The following CTDSP2 variants were observed in gnomAD, a reference collection of about 807,000 sequenced individuals.
CTDSP2 encodes the protein CTD small phosphatase 2, also known as carboxy-terminal domain RNA polymerase II polypeptide A small phosphatase 2.
CTDSP2 carries 9 observed loss-of-function variants against 31.6 expected under a neutral mutation model. The ratio of observed to expected loss-of-function variants is 0.28; its 90% CI spans 0.17 to 0.50. The LOEUF (loss-of-function observed/expected upper bound fraction) is 0.50, where lower values mean the gene tolerates loss of function less well. Ranked by LOEUF, CTDSP2 falls within the 20% of genes least tolerant of loss-of-function variation. CTDSP2 has a pLI of 0.98. For missense variants in CTDSP2, 267 were observed against 348.5 expected (o/e 0.77, Z 1.86); for synonymous variants, 134 against 134.5 (o/e 1.00, Z 0.03).
At chr12:57,832,790 T>TAAAAAAAAAAAAA (rs61390174) in intron 1 of CTDSP2, among the ~76,000 whole-genome samples, 5 of 44,898 alleles carry the variant, frequency 1.1e-4, no homozygotes, top group Non-Finnish European at 1.9e-4. Context: ...AGACTCTGGC[T>TAAAAAAAAAAAAA]AAAAAAAAAA....
In CTDSP2 at chr12:57,846,385, CA is replaced by C; in HGVS notation, c.50del (p.Val17GlyfsTer78). On this transcript the variant is annotated frameshift_variant, in exon 1 of 8. Coordinates refer to ENST00000398073, the MANE Select transcript of CTDSP2 (RefSeq NM_005730.4). LOFTEE classifies it high-confidence loss of function. ...ITQARREDAL[V>X]LTKQGLVSKS... is the part of the protein sequence containing the mutation. ...TGCTGCCCCTACCTTGCTTGGTGAGCACCAGGGCGTCTTCCCTCCGCGCCTG... is the reference window on the plus strand; with the variant it reads ...TGCTGCCCCTACCTTGCTTGGTGAGCCCAGGGCGTCTTCCCTCCGCGCCTG... 1.9e-6 allele frequency: 3 copies of C among 1,608,606 alleles called. No individual in the cohort carries two copies. Among genetic ancestry groups the C allele is most frequent in the Non-Finnish European group, 2.5e-6 (3 of 1,177,748 alleles).
At chr12:57,834,218 C>T (rs919459697) in intron 1 of CTDSP2, among the ~76,000 whole-genome samples, 1 of 151,978 alleles carries the variant, frequency 6.6e-6, no homozygotes, top group African/African-American at 2.4e-5. Context: ...AGCTGAAGTG[C>T]AGTGGTACAA....
At chr12:57,830,905 C>T (rs576499214) in intron 1 of CTDSP2, among the ~76,000 whole-genome samples, 21 of 151,838 alleles carry the variant, frequency 1.4e-4, no homozygotes, top group African/African-American at 3.1e-4. Context: ...TGCGCCACCA[C>T]GCCCAGCTAA....
intron 1 of CTDSP2, among the ~76,000 whole-genome samples, chr12:57,831,545 T>G (rs1956215943): frequency 6.6e-6 from 1 of 152,242 alleles, no homozygotes; most frequent in South Asian, 2.1e-4. Context: ...CAATGGTCAC[T>G]GTGGCCAGGA....
At chr12:57,833,101 T>C (rs1801775602) in intron 1 of CTDSP2, among the ~76,000 whole-genome samples, 1 of 152,230 alleles carries the variant, frequency 6.6e-6, no homozygotes. Flanking sequence ...AGCCTGGGCT[T>C]TTCCTGAAGA....
rs1252807484 is a variant in CTDSP2 at position 57,846,370 on chromosome 12, A to G, written c.64+2T>C. ...AAAGTTTTGGGAAGTTGCTGCCCCT[A>G]CCTTGCTTGGTGAGCACCAGGGCGT... is the stretch of plus-strand genomic sequence containing the variant. On this transcript the variant is annotated splice_donor_variant, in intron 1 of 7. Coordinates refer to ENST00000398073, the MANE Select transcript of CTDSP2 (RefSeq NM_005730.4). LOFTEE classifies it high-confidence loss of function. 6.2e-7 allele frequency: 1 copy of G among 1,606,082 alleles called. No individual in the cohort carries two copies. The highest frequency in any genetic ancestry group is 8.5e-7 in the Non-Finnish European group (1 of 1,176,666).
chr12:57,828,455 G>A (rs1209671550), intron 2 of CTDSP2, among the ~76,000 whole-genome samples: 2 of 151,704 alleles, frequency 1.3e-5, no homozygotes, highest in East Asian at 1.9e-4. Context: ...GGTTTTAAGT[G>A]TTCTTAATGA....
chr12:57,839,039 C>G (rs1956265051), intron 1 of CTDSP2, among the ~76,000 whole-genome samples: 1 of 152,180 alleles, frequency 6.6e-6, no homozygotes, highest in Non-Finnish European at 1.5e-5. Flanking sequence ...GAATCAGTCG[C>G]ACACACACAT....
In CTDSP2 at chr12:57,829,361, G is replaced by A. The variant is rs565013121; in HGVS notation, c.213+87C>T. 4 of 1,493,444 alleles carry A rather than the reference G, an allele frequency of 2.7e-6. No homozygotes were observed. The South Asian group carries it at 4.8e-5, about 18-fold the overall frequency. The allele number at this position is 1,493,444 out of a possible 1,614,324, so 92.5% of individuals were successfully genotyped here. ...AGAAATCTTTGCAACTTCAGGCAAA[G>A]CTTCCTTGTCCGGTTGCCATCGTCT... On this transcript the variant is annotated intron_variant, in intron 2 of 7. Coordinates refer to ENST00000398073, the MANE Select transcript of CTDSP2 (RefSeq NM_005730.4).
At chr12:57,838,452 A>G (rs1328763780) in intron 1 of CTDSP2, among the ~76,000 whole-genome samples, 5 of 152,206 alleles carry the variant, frequency 3.3e-5, no homozygotes, top group South Asian at 2.1e-4. Context: ...GGTGTATAAC[A>G]AGCCCCTGTG....
At chr12:57,832,201 G>A (rs1217212528) in intron 1 of CTDSP2, among the ~76,000 whole-genome samples, 1 of 152,160 alleles carries the variant, frequency 6.6e-6, no homozygotes, top group Non-Finnish European at 1.5e-5. Context: ...TATGGCCATT[G>A]GAAACTTTTT....
chr12:57,824,147 T>C lies in CTDSP2; in HGVS notation c.505-58A>G, dbSNP rs547470011. 7.8e-4 allele frequency: 1,263 copies of C among 1,610,278 alleles called. 1 individual carries two copies. The highest frequency in any genetic ancestry group is 1.0e-3 in the Non-Finnish European group (1,176 of 1,176,750). On this transcript the variant is annotated intron_variant, in intron 6 of 7. Coordinates refer to ENST00000398073, the MANE Select transcript of CTDSP2 (RefSeq NM_005730.4). Reference sequence around the variant, plus strand: ...CACTCCTGGTCCTCCTGTATAACCCTAGGGACCAAAAGGGAGCTGCTGGAC... The same window carrying C: ...CACTCCTGGTCCTCCTGTATAACCCCAGGGACCAAAAGGGAGCTGCTGGAC...
intron 2 of CTDSP2, 73 bp from the exon 3 acceptor site, chr12:57,827,663 CTT>C: frequency 1.3e-6 from 2 of 1,489,840 alleles, no homozygotes; most frequent in Non-Finnish European, 1.9e-6. Flanking sequence ...CTGCTTCTGT[CTT>C]AAGCCTGGAG....
intron 1 of CTDSP2, among the ~76,000 whole-genome samples, chr12:57,838,441 A>G (rs1219625511): frequency 6.6e-6 from 1 of 152,206 alleles, no homozygotes; most frequent in Non-Finnish European, 1.5e-5. Context: ...CCCCCTAAGG[A>G]GGTGTATAAC....
Position 57,846,536 on chromosome 12 carries a change from G to A in CTDSP2, c.-101C>T. ...TGGGCGGGGGCCCGCTCCGGCTCCC[G>A]AGACTCCGACTTCCACAGCTGTTCA... On this transcript the variant is annotated 5_prime_UTR_variant, in exon 1 of 8. Coordinates refer to ENST00000398073, the MANE Select transcript of CTDSP2 (RefSeq NM_005730.4). 1 of 938,706 alleles carries A rather than the reference G, an allele frequency of 1.1e-6. No homozygotes were observed. The highest frequency in any genetic ancestry group is 1.5e-6 in the Non-Finnish European group (1 of 665,670). 58.1% of individuals were successfully genotyped at this position (938,706 alleles called of 1,614,324 possible). A position where few individuals can be genotyped will look rare whatever the true frequency, so the allele number is the denominator to read the frequency against.
intron 1 of CTDSP2, among the ~76,000 whole-genome samples, chr12:57,837,869 G>A (rs1247228268): frequency 2.0e-5 from 3 of 152,040 alleles, no homozygotes; most frequent in Non-Finnish European, 4.4e-5. Context: ...CTCCCTATAT[G>A]GCTGTCTCTT....
intron 1 of CTDSP2, among the ~76,000 whole-genome samples, chr12:57,832,667 C>G (rs1440696648): frequency 2.0e-5 from 3 of 151,526 alleles, no homozygotes; most frequent in African/African-American, 7.3e-5. Context: ...TGGCACACAC[C>G]TGTAGTCCCA....
In CTDSP2 at chr12:57,826,409, G is replaced by A. The variant is rs749191955; in HGVS notation, c.355-7C>T. The stretch of plus-strand genomic sequence containing the variant: ...AGTCAGCATTGTTGATTGGCTGGAA[G>A]GCAGAAAAGTTAATGCTGTCAGCAT... On this transcript the variant is annotated splice_polypyrimidine_tract_variant and splice_region_variant and intron_variant, in intron 4 of 7. Coordinates refer to ENST00000398073, the MANE Select transcript of CTDSP2 (RefSeq NM_005730.4). 23 of 1,613,936 alleles carry A rather than the reference G, an allele frequency of 1.4e-5. No homozygotes were observed. In the Middle Eastern group the frequency reaches 4.9e-4, roughly 35 times the overall value.
intron 1 of CTDSP2, among the ~76,000 whole-genome samples, chr12:57,831,830 T>C (rs937411371): frequency 1.3e-5 from 2 of 152,124 alleles, no homozygotes; most frequent in Non-Finnish European, 2.9e-5. Flanking sequence ...AGGAAGACAA[T>C]GTGGTAGGGG....
Sources: gnomAD v4.1 joint callset for allele counts (sites outside exome capture counted in the v4.1 genomes callset) on GRCh38, gnomAD v4.1.1 for gene constraint, MANE v1.5 for transcripts, NCBI Gene and HGNC (gene_info 2026-07-23, HGNC 2026-07-21) for gene names.